The following LRRC57 variants were observed in gnomAD, a reference collection of about 807,000 sequenced individuals.
LRRC57 encodes leucine rich repeat containing 57, also known as leucine-rich repeat-containing protein 57.
LRRC57 carries 14 observed loss-of-function variants against 23.1 expected under a neutral mutation model. That is an observed-to-expected ratio of 0.61 (90% CI 0.40 to 0.95). LRRC57 has a LOEUF of 0.95. LRRC57 is among the 40% of genes least tolerant of loss of function. The pLI, the probability that LRRC57 is intolerant of heterozygous loss-of-function variation, is 0.00. For missense variants in LRRC57, 236 were observed against 284.4 expected (o/e 0.83, Z 1.22); for synonymous variants, 106 against 115.2 (o/e 0.92, Z 0.51).
At chr15:42,545,452 C>T (rs573537294) in intron 4 of LRRC57, 190 bp from the exon 5 acceptor site, 2 of 373,016 alleles carry the variant, frequency 5.4e-6, no homozygotes, top group South Asian at 1.3e-4. Context: ...TTACTACGCC[C>T]CCACTTAAAA....
Position 42,537,922 on chromosome 15 carries a change from T to G in LRRC57, c.*6161A>C, listed in dbSNP as rs2057608721. 6.6e-6 allele frequency: 1 copy of G among 152,084 alleles called. No homozygotes were observed. The highest frequency in any genetic ancestry group is 2.4e-5 in the African/African-American group (1 of 41,418). 9.4% of individuals were successfully genotyped at this position (152,084 alleles called of 1,614,324 possible). Reference sequence around the variant, plus strand: ...GTAGTGGGTGTACAGGGTGGGGCGATGAAGGAAGGTAGGTTAATGGGTAGA... The same window carrying G: ...GTAGTGGGTGTACAGGGTGGGGCGAGGAAGGAAGGTAGGTTAATGGGTAGA... On this transcript the variant is annotated 3_prime_UTR_variant, in exon 6 of 6. Coordinates refer to ENST00000397130, the MANE Select transcript of LRRC57 (RefSeq NM_153260.3).
chr15:42,536,440 C>G (rs1217872120), downstream of LRRC57, among the ~76,000 whole-genome samples: 1 of 152,224 alleles, frequency 6.6e-6, no homozygotes, highest in African/African-American at 2.4e-5. Context: ...CTGCTATTCT[C>G]TCTAAAGTGG....
At chr15:42,529,895 C>A in the LRRC57 span, 1 of 1,470,958 alleles carries the variant, frequency 6.8e-7, no homozygotes, top group Non-Finnish European at 9.3e-7. Flanking sequence ...GTGCTAGATA[C>A]TGTGGGGGAC....
rs1006255547 is a variant in LRRC57 at position 42,540,132 on chromosome 15, G to T, written c.*3951C>A. 6.6e-6 allele frequency: 1 copy of T among 151,234 alleles called. No individual in the cohort carries two copies. Among genetic ancestry groups the T allele is most frequent in the Non-Finnish European group, 1.5e-5 (1 of 68,026 alleles). The allele number at this position is 151,234 out of a possible 1,614,324, so 9.4% of individuals were successfully genotyped here. On this transcript the variant is annotated 3_prime_UTR_variant, in exon 6 of 6. Coordinates refer to ENST00000397130, the MANE Select transcript of LRRC57 (RefSeq NM_153260.3). The stretch of plus-strand genomic sequence containing the variant: ...AATCACTTGAACCCGGGAGGCGGAG[G>T]TTGCAGTGAGCCAAGATCGCGCCAT...
At chr15:42,535,125 A>G (rs1348629409), downstream of LRRC57, among the ~76,000 whole-genome samples, 1 of 152,238 alleles carries the variant, frequency 6.6e-6, no homozygotes, top group East Asian at 1.9e-4. Flanking sequence ...TTTCATCTAC[A>G]TTGAAAAATC....
At chr15:42,545,026 T>C (rs2141579335) in intron 5 of LRRC57, 51 bp downstream of exon 5, 1 of 1,338,804 alleles carries the variant, frequency 7.5e-7, no homozygotes, top group Non-Finnish European at 1.0e-6. Flanking sequence ...TACTTCACCA[T>C]TGTCTTCTCT....
At chr15:42,529,018 G>A in the LRRC57 span, among the ~76,000 whole-genome samples, 76 of 152,286 alleles carry the variant, frequency 5.0e-4, no homozygotes, top group African/African-American at 1.7e-3. Flanking sequence ...GTTTTAAAAT[G>A]TGTCATCTAG....
chr15:42,537,254 C>CACACACACACACACACACACAT (rs796745969), downstream of LRRC57, among the ~76,000 whole-genome samples: 4 of 151,364 alleles, frequency 2.6e-5, no homozygotes, highest in African/African-American at 9.8e-5. Context: ...CACACACACA[C>CACACACACACACACACACACAT]ACACACACAC....
At chr15:42,546,563 A>C (rs1391953423) in intron 4 of LRRC57, among the ~76,000 whole-genome samples, 1 of 152,234 alleles carries the variant, frequency 6.6e-6, no homozygotes, top group African/African-American at 2.4e-5. Context: ...TTAATGGACC[A>C]TGCAGATCTA....
At chr15:42,534,694 A>G (rs79042213), downstream of LRRC57, among the ~76,000 whole-genome samples, 3 of 152,348 alleles carry the variant, frequency 2.0e-5, no homozygotes, top group Non-Finnish European at 2.9e-5. Flanking sequence ...TAGAATGGAT[A>G]TATTAGCAAG....
the LRRC57 span, among the ~76,000 whole-genome samples, chr15:42,530,114 A>C: frequency 6.6e-6 from 1 of 152,124 alleles, no homozygotes; most frequent in African/African-American, 2.4e-5. Flanking sequence ...CTCCCAAATG[A>C]GTTTTATTTT....
chr15:42,534,272 A>T (rs570070225), downstream of LRRC57, among the ~76,000 whole-genome samples: 1 of 152,286 alleles, frequency 6.6e-6, no homozygotes, highest in African/African-American at 2.4e-5. Flanking sequence ...CTGGGATTAC[A>T]GGCAGGCACC....
downstream of LRRC57, among the ~76,000 whole-genome samples, chr15:42,533,641 G>A (rs2057584925): frequency 6.6e-6 from 1 of 152,218 alleles, no homozygotes; most frequent in South Asian, 2.1e-4. Context: ...AGTATGATTG[G>A]TTAGAAGCAT....
chr15:42,548,537 TC>T, intron 1 of LRRC57, 81 bp from the exon 2 acceptor site: 1 of 1,086,924 alleles, frequency 9.2e-7, no homozygotes, highest in Non-Finnish European at 1.3e-6. Flanking sequence ...AGCTCTCAAC[TC>T]CCGCCGATCC....
Position 42,545,264 on chromosome 15 carries a change from T to TG in LRRC57, c.493-3_493-2insC, listed in dbSNP as rs2057653660. 6.4e-7 allele frequency: 1 copy of TG among 1,556,636 alleles called. No homozygotes were observed. Among genetic ancestry groups the TG allele is most frequent in the Admixed American group, 2.1e-5 (1 of 47,080 alleles). ...TATCTTCACTGAGATCTGAGATATC[T>TG]ATTGAAAAACCACAAAAGAATAACA... is the stretch of plus-strand genomic sequence containing the variant. On this transcript the variant is annotated splice_polypyrimidine_tract_variant and splice_region_variant and intron_variant, in intron 4 of 5. Coordinates refer to ENST00000397130, the MANE Select transcript of LRRC57 (RefSeq NM_153260.3).
At chr15:42,534,356 C>T (rs2057589281), downstream of LRRC57, among the ~76,000 whole-genome samples, 2 of 152,198 alleles carry the variant, frequency 1.3e-5, no homozygotes, top group South Asian at 4.2e-4. Flanking sequence ...GTCTCGAACT[C>T]CTGACCTTGT....
chr15:42,528,517 A>C, the LRRC57 span: 4 of 1,168,288 alleles, frequency 3.4e-6, no homozygotes, highest in Non-Finnish European at 4.9e-6. Context: ...AAAACAAATA[A>C]AAATTGTATT....
At position 42,544,836 on chromosome 15, in the gene LRRC57, C is replaced by CTATATATATATATAT. The variant is rs1256583979; in HGVS notation, c.678+240_678+241insATATATATATATATA. On this transcript the variant is annotated intron_variant, in intron 5 of 5. Coordinates refer to ENST00000397130, the MANE Select transcript of LRRC57 (RefSeq NM_153260.3). ...TGTCTCACACACACACACACACACA[C>CTATATATATATATAT]ACACACTATATATATATATATATCA... 3.7e-3 allele frequency among the ~76,000 whole-genome samples: 385 copies of CTATATATATATATAT among 103,596 alleles called. 2 individuals carry two copies. The highest frequency in any genetic ancestry group is 0.018 in the African/African-American group (332 of 18,164). 68.0% of individuals were successfully genotyped at this position (103,596 alleles called of 152,430 possible).
chr15:42,547,558 G>A (rs373685591), intron 3 of LRRC57, 29 bp from the exon 4 acceptor site: 46 of 1,584,916 alleles, frequency 2.9e-5, no homozygotes, highest in Non-Finnish European at 3.7e-5. Context: ...TTTAAAACCT[G>A]AATGTGATAG....
Sources: allele counts gnomAD v4.1 joint callset (sites outside exome capture counted in the v4.1 genomes callset), GRCh38; gene constraint gnomAD v4.1.1; transcripts MANE v1.5; gene names NCBI Gene and HGNC (gene_info 2026-07-23, HGNC 2026-07-21).